Variants in CSMD1 observed in about 807,000 individuals in gnomAD.
CSMD1 encodes CUB and Sushi multiple domains 1, also known as CUB and sushi domain-containing protein 1.
A neutral mutation model predicts 417.5 loss-of-function variants in CSMD1; 213 were observed. The observed-to-expected ratio is 0.51, with a 90% CI of 0.46 to 0.57. The LOEUF (loss-of-function observed/expected upper bound fraction) is 0.57. Ranked by LOEUF, CSMD1 falls within the 20% of genes least tolerant of loss-of-function variation. The probability of loss-of-function intolerance (pLI) is 0.00; values close to 1 mark genes in which losing one functional copy is unlikely to be tolerated. For missense variants in CSMD1, 6,923 were observed against 4,529.7 expected (o/e 1.53, Z -15.17); for synonymous variants, 2,862 against 1,736.8 (o/e 1.65, Z -16.11).
intron 1 of CSMD1, among the ~76,000 whole-genome samples, chr8:4,852,662 G>A (rs1801546287): frequency 6.6e-6 from 1 of 152,104 alleles, no homozygotes. Context: ...GGTAGAGATT[G>A]GAAGAGTTTG....
At chr8:4,012,239 C>T (rs1046187313) in intron 4 of CSMD1, among the ~76,000 whole-genome samples, 2 of 151,848 alleles carry the variant, frequency 1.3e-5, no homozygotes, top group East Asian at 1.9e-4. Context: ...TTAGATACTA[C>T]TCTTCAGGCT....
intron 2 of CSMD1, among the ~76,000 whole-genome samples, chr8:4,563,948 A>G (rs1798467720): frequency 6.6e-6 from 1 of 152,206 alleles, no homozygotes. Context: ...TTCCAGCAGA[A>G]GACTAAATAT....
At chr8:4,194,530 C>G (rs1584999293) in intron 3 of CSMD1, among the ~76,000 whole-genome samples, 1 of 152,152 alleles carries the variant, frequency 6.6e-6, no homozygotes, top group Non-Finnish European at 1.5e-5. Context: ...ATCTCAACAA[C>G]TATTTTTATT....
intron 7 of CSMD1, among the ~76,000 whole-genome samples, chr8:3,641,049 T>G (rs1482201): frequency 8.1e-6 from 1 of 122,726 alleles, no homozygotes. Flanking sequence ...TTTTTTTTTG[T>G]GAATAATGTC....
At chr8:3,909,384 C>G (rs1485365780) in intron 5 of CSMD1, among the ~76,000 whole-genome samples, 1 of 152,050 alleles carries the variant, frequency 6.6e-6, no homozygotes, top group Admixed American at 6.5e-5. Flanking sequence ...GGAACCCAGA[C>G]CAAATCTACA....
intron 27 of CSMD1, 64 bp from the exon 28 acceptor site, chr8:3,223,931 T>C: frequency 6.5e-7 from 1 of 1,534,188 alleles, no homozygotes; most frequent in Non-Finnish European, 8.9e-7. Flanking sequence ...CCAGTCAGTG[T>C]GGAAGGAGAC....
intron 3 of CSMD1, among the ~76,000 whole-genome samples, chr8:4,403,612 C>T (rs565591267): frequency 7.9e-5 from 12 of 152,276 alleles, no homozygotes; most frequent in Admixed American, 7.8e-4. Context: ...AGAACTCCCC[C>T]TTTTCACCAT....
intron 3 of CSMD1, among the ~76,000 whole-genome samples, chr8:4,103,460 T>G: frequency 6.6e-6 from 1 of 150,834 alleles, no homozygotes; most frequent in Non-Finnish European, 1.5e-5. Context: ...AACATCCACA[T>G]GATTATTTTA....
In CSMD1 at chr8:3,130,174, A is replaced by G. The variant is rs1271820964; in HGVS notation, c.6242-11587T>C. ...ATCATGCTCATTAAAAATGGAAATTACCATGTAATGAGCAAGTTTAACATG... is the reference window on the plus strand; with the variant it reads ...ATCATGCTCATTAAAAATGGAAATTGCCATGTAATGAGCAAGTTTAACATG... On this transcript the variant is annotated intron_variant, in intron 41 of 69. Coordinates refer to ENST00000635120, the MANE Select transcript of CSMD1 (RefSeq NM_033225.6). Among the ~76,000 whole-genome samples, 5 of 152,144 alleles carry G rather than the reference A, an allele frequency of 3.3e-5. No homozygotes were observed. In the East Asian group the frequency reaches 9.6e-4, roughly 29 times the overall value.
intron 1 of CSMD1, among the ~76,000 whole-genome samples, chr8:4,728,516 GAAAT>G (rs373612122): frequency 1.3e-5 from 2 of 152,178 alleles, no homozygotes; most frequent in Admixed American, 6.5e-5. Flanking sequence ...TTTACTAGGT[GAAAT>G]AAATAATCTC....
intron 1 of CSMD1, among the ~76,000 whole-genome samples, chr8:4,980,719 A>G (rs755581711): frequency 7.9e-5 from 12 of 152,112 alleles, no homozygotes; most frequent in Non-Finnish European, 1.5e-4. Flanking sequence ...CGTGGACAAC[A>G]GGACAAGACC....
chr8:3,257,902 G>A (rs1346390136), intron 26 of CSMD1, among the ~76,000 whole-genome samples: 1 of 152,252 alleles, frequency 6.6e-6, no homozygotes, highest in African/African-American at 2.4e-5. Flanking sequence ...AATGTTACAA[G>A]GGCGTGAAGC....
At chr8:4,587,539 C>A (rs1563312360) in intron 2 of CSMD1, among the ~76,000 whole-genome samples, 1 of 151,964 alleles carries the variant, frequency 6.6e-6, no homozygotes, top group Non-Finnish European at 1.5e-5. Context: ...AAGTGTCTAA[C>A]ACCTAAGGAA....
At chr8:3,838,517 A>G (rs1482915060) in intron 5 of CSMD1, among the ~76,000 whole-genome samples, 2 of 122,454 alleles carry the variant, frequency 1.6e-5, no homozygotes, top group East Asian at 4.3e-4. Context: ...ATATAATATA[A>G]TATAGCCTAT....
At chr8:4,787,474 T>A (rs1025938995) in intron 1 of CSMD1, 10 of 826,668 alleles carry the variant, frequency 1.2e-5, no homozygotes, top group Middle Eastern at 2.7e-4. Flanking sequence ...AAGGAAAAGC[T>A]GCAATCTCAA....
At chr8:4,766,158 T>C (rs1490214857) in intron 1 of CSMD1, among the ~76,000 whole-genome samples, 1 of 152,196 alleles carries the variant, frequency 6.6e-6, no homozygotes, top group Non-Finnish European at 1.5e-5. Context: ...TGTGTACTAG[T>C]CCTGTAGACC....
chr8:4,313,982 C>G (rs1002513441), intron 3 of CSMD1, among the ~76,000 whole-genome samples: 8 of 151,476 alleles, frequency 5.3e-5, no homozygotes, highest in Middle Eastern at 3.2e-3. Flanking sequence ...CCCCTGCACT[C>G]CAGCCTGGGC....
chr8:4,553,776 C>T (rs973988616), intron 2 of CSMD1, among the ~76,000 whole-genome samples: 6 of 152,262 alleles, frequency 3.9e-5, no homozygotes, highest in South Asian at 2.1e-4. Flanking sequence ...AACGTGTAAT[C>T]GTCCTATGTC....
intron 5 of CSMD1, among the ~76,000 whole-genome samples, chr8:3,777,745 C>T (rs961021681): frequency 2.0e-5 from 3 of 152,050 alleles, no homozygotes; most frequent in Admixed American, 6.5e-5. Flanking sequence ...AGACCTGCAG[C>T]CTCCTTGAAG....
Sources: allele counts gnomAD v4.1 joint callset (sites outside exome capture counted in the v4.1 genomes callset), GRCh38; gene constraint gnomAD v4.1.1; transcripts MANE v1.5; gene names NCBI Gene and HGNC (gene_info 2026-07-23, HGNC 2026-07-21).